SGCZ: variants seen among roughly 807,000 people sequenced by gnomAD.
SGCZ encodes zeta-sarcoglycan.
A neutral mutation model predicts 41.3 loss-of-function variants in SGCZ; 40 were observed. The ratio of observed to expected loss-of-function variants is 0.97; its 90% CI spans 0.75 to 1.26. The LOEUF (loss-of-function observed/expected upper bound fraction) is 1.26, where lower values mean the gene tolerates loss of function less well. Among genes scored for constraint, SGCZ ranks in the 50% most tolerant of loss-of-function variants. The pLI is 0.00. For synonymous variants in SGCZ, 206 were observed against 137.5 expected (o/e 1.50, Z -3.49); for missense variants, 552 against 369.8 (o/e 1.49, Z -4.04).
chr8:14,498,998 T>C (rs1463088085), intron 2 of SGCZ, among the ~76,000 whole-genome samples: 2 of 151,990 alleles, frequency 1.3e-5, no homozygotes, highest in Admixed American at 6.6e-5. Context: ...ACATGTATTC[T>C]CTTTAAATTT....
chr8:14,814,795 A>G (rs770155587), intron 1 of SGCZ, among the ~76,000 whole-genome samples: 1 of 152,156 alleles, frequency 6.6e-6, no homozygotes, highest in African/African-American at 2.4e-5. Context: ...GCAAGGTATT[A>G]TGACTGAAAA....
At chr8:15,035,041 T>C (rs1009796317) in intron 1 of SGCZ, among the ~76,000 whole-genome samples, 1 of 152,126 alleles carries the variant, frequency 6.6e-6, no homozygotes, top group Non-Finnish European at 1.5e-5. Context: ...AACAAGTACA[T>C]AGTCAAATTC....
chr8:14,884,366 A>G (rs914713519), intron 1 of SGCZ, among the ~76,000 whole-genome samples: 1 of 152,114 alleles, frequency 6.6e-6, no homozygotes, highest in African/African-American at 2.4e-5. Context: ...AACTACATAA[A>G]TAAGTTCACA....
rs987810008 is a variant in SGCZ, at chr8:14,084,859, C to G, written c.*5584G>C. On this transcript the variant is annotated 3_prime_UTR_variant, in exon 8 of 8. Transcript: ENST00000382080. Reference sequence around the variant, plus strand: ...ATGATATCATGTAAGTTTTTATCCTCTTTGTTTTGACTATCACATTTAATC... The same window carrying G: ...ATGATATCATGTAAGTTTTTATCCTGTTTGTTTTGACTATCACATTTAATC... Among the ~76,000 whole-genome samples the G allele has an allele frequency of 2.0e-5, 3 of 151,790 alleles. No homozygotes were observed. The highest frequency in any genetic ancestry group is 7.2e-5 in the African/African-American group (3 of 41,388).
chr8:14,264,214 G>T (rs1320250826), intron 3 of SGCZ, among the ~76,000 whole-genome samples: 1 of 152,180 alleles, frequency 6.6e-6, no homozygotes, highest in Non-Finnish European at 1.5e-5. Context: ...CTGTGGGAAT[G>T]GCTACTTAAT....
At chr8:14,951,596 T>C (rs1299264120) in intron 1 of SGCZ, among the ~76,000 whole-genome samples, 11 of 152,048 alleles carry the variant, frequency 7.2e-5, no homozygotes, top group African/African-American at 2.7e-4. Context: ...ACATCACAGC[T>C]GGTTCAACGT....
intron 1 of SGCZ, among the ~76,000 whole-genome samples, chr8:14,695,714 A>T (rs1510454): frequency 0.31 from 46,620 of 151,582 alleles, 8,589 homozygotes; most frequent in Non-Finnish European, 0.43. Context: ...CACACACACA[A>T]ACCAACAATA....
At chr8:14,791,422 G>C (rs1478199998) in intron 1 of SGCZ, among the ~76,000 whole-genome samples, 7 of 151,600 alleles carry the variant, frequency 4.6e-5, no homozygotes, top group East Asian at 3.9e-4. Context: ...CAGCTAACTG[G>C]TATGCTGAAC....
intron 1 of SGCZ, among the ~76,000 whole-genome samples, chr8:14,627,129 A>G (rs997346667): frequency 6.6e-6 from 1 of 152,188 alleles, no homozygotes; most frequent in Non-Finnish European, 1.5e-5. Flanking sequence ...CAAATTGTTA[A>G]TACATTTACT....
intron 1 of SGCZ, among the ~76,000 whole-genome samples, chr8:14,605,046 G>A (rs181114932): frequency 1.0e-3 from 157 of 152,146 alleles, no homozygotes; most frequent in Non-Finnish European, 1.9e-3. Context: ...TCAGTAATTT[G>A]AGTCCATTAT....
intron 1 of SGCZ, among the ~76,000 whole-genome samples, chr8:14,756,723 A>C (rs1799681899): frequency 6.6e-6 from 1 of 152,332 alleles, no homozygotes; most frequent in East Asian, 1.9e-4. Context: ...CATATTTTGC[A>C]TTAAAAAATA....
intron 1 of SGCZ, among the ~76,000 whole-genome samples, chr8:14,601,250 C>A (rs561280055): frequency 1.3e-5 from 2 of 151,882 alleles, no homozygotes; most frequent in Non-Finnish European, 2.9e-5. Flanking sequence ...ATATTTTTGA[C>A]GGACAGGTAG....
At chr8:14,600,748 A>T (rs1585114748) in intron 1 of SGCZ, among the ~76,000 whole-genome samples, 1 of 152,224 alleles carries the variant, frequency 6.6e-6, no homozygotes, top group African/African-American at 2.4e-5. Context: ...TTTAAATTAA[A>T]GGTATCCTTG....
At chr8:14,179,195 C>T (rs926356738) in intron 4 of SGCZ, among the ~76,000 whole-genome samples, 6 of 152,130 alleles carry the variant, frequency 3.9e-5, no homozygotes, top group Non-Finnish European at 8.8e-5. Context: ...CTCAACAGTC[C>T]CATGTGTCCT....
chr8:14,797,940 A>G (rs1801191410), intron 1 of SGCZ, among the ~76,000 whole-genome samples: 1 of 152,174 alleles, frequency 6.6e-6, no homozygotes, highest in South Asian at 2.1e-4. Flanking sequence ...TCAAGAACTG[A>G]GATTTGGAAA....
At chr8:14,624,781 G>A (rs1806399764) in intron 1 of SGCZ, among the ~76,000 whole-genome samples, 1 of 151,500 alleles carries the variant, frequency 6.6e-6, no homozygotes, top group African/African-American at 2.4e-5. Context: ...ATGTTGGCCA[G>A]GCTGCTCTTG....
chr8:14,912,707 A>G (rs941933081), intron 1 of SGCZ, among the ~76,000 whole-genome samples: 1 of 152,108 alleles, frequency 6.6e-6, no homozygotes, highest in Non-Finnish European at 1.5e-5. Flanking sequence ...AGATGATGGC[A>G]TATCTACAGA....
intron 1 of SGCZ, among the ~76,000 whole-genome samples, chr8:14,761,435 C>A (rs2130356061): frequency 6.6e-6 from 1 of 151,800 alleles, no homozygotes. Context: ...TTCCTCAAAC[C>A]AATGGAAAAC....
intron 1 of SGCZ, among the ~76,000 whole-genome samples, chr8:14,914,497 C>CA (rs1420020649): frequency 6.6e-6 from 1 of 150,810 alleles, no homozygotes; most frequent in African/African-American, 2.5e-5. Context: ...TACTATTTGG[C>CA]AAAAGGTCGT....
Sources: gnomAD v4.1 joint callset for allele counts (sites outside exome capture counted in the v4.1 genomes callset) on GRCh38, gnomAD v4.1.1 for gene constraint, MANE v1.5 for transcripts, NCBI Gene and HGNC (gene_info 2026-07-23, HGNC 2026-07-21) for gene names.